MTOR: variants seen among roughly 807,000 people sequenced by gnomAD.
MTOR encodes mechanistic target of rapamycin kinase, also known as serine/threonine-protein kinase mTOR.
MTOR carries 70 observed loss-of-function variants against 319.8 expected under a neutral mutation model. The ratio of observed to expected loss-of-function variants is 0.22; its 90% CI spans 0.18 to 0.27. The LOEUF is 0.27. MTOR is among the 10% of genes least tolerant of loss of function. The pLI is 1.00. For synonymous variants in MTOR, 1,183 were observed against 1,211.4 expected, an observed-to-expected ratio of 0.98 and a Z score of 0.49; for missense variants, 1,890 against 3,274.4, an observed-to-expected ratio of 0.58 and a Z score of 10.32.
At chr1:11,206,680 C>T (rs1304922940) in intron 25 of MTOR, among the ~76,000 whole-genome samples, 3 of 152,186 alleles carry the variant, frequency 2.0e-5, no homozygotes, top group African/African-American at 4.8e-5. Flanking sequence ...GCCCTTTCCC[C>T]CTGCTCTGTA....
At chr1:11,179,555 A>T (rs1557810062) in intron 28 of MTOR, among the ~76,000 whole-genome samples, 1 of 152,020 alleles carries the variant, frequency 6.6e-6, no homozygotes, top group African/African-American at 2.4e-5. Flanking sequence ...AAACCCCAGA[A>T]CTCTCCTCTT....
intron 26 of MTOR, among the ~76,000 whole-genome samples, chr1:11,201,159 T>C (rs140851596): frequency 1.3e-3 from 191 of 152,226 alleles, no homozygotes; most frequent in South Asian, 2.5e-3. Context: ...AAGACCTTCA[T>C]CTCTAAAATC....
intron 32 of MTOR, chr1:11,145,352 C>T (rs1469483826): frequency 2.7e-6 from 1 of 369,802 alleles, no homozygotes; most frequent in Non-Finnish European, 5.0e-6. Flanking sequence ...GTTCTTGCAT[C>T]TCAAGAGGAC....
intron 34 of MTOR, among the ~76,000 whole-genome samples, chr1:11,141,032 A>T (rs894840121): frequency 6.8e-6 from 1 of 148,086 alleles, no homozygotes; most frequent in Non-Finnish European, 1.5e-5. Context: ...TTGGCATCTT[A>T]GATTCTTTCT....
rs754014171 is a variant in MTOR at position 11,130,561 on chromosome 1, T to A, written c.5581A>T (p.Thr1861Ser). Residue 1861 changes from threonine to serine, a missense_variant, in exon 39 of 58, where the codon ACC becomes TCC. Physicochemically the swap from Thr to Ser is moderately conservative, Grantham distance 58. Transcript: ENST00000361445. Reference sequence around the variant, plus strand: ...ACCTTCTTCTGCAGCGGCGATGGGGTGGGGCTGTTCTCGGTGCTCTCGGCC... The same window carrying A: ...ACCTTCTTCTGCAGCGGCGATGGGGAGGGGCTGTTCTCGGTGCTCTCGGCC... ...SEAESTENSPTPSPLQKKVTE... is the reference protein window; with the variant it reads ...SEAESTENSPSPSPLQKKVTE... The A allele has an allele frequency of 3.1e-6, 5 of 1,613,254 alleles. No homozygotes were observed. In the African/African-American group the frequency reaches 6.7e-5, roughly 22 times the overall value.
At position 11,130,678 on chromosome 1, in the gene MTOR, C is replaced by T. The variant is rs1338775745; in HGVS notation, c.5464G>A (p.Gly1822Arg). Residue 1822 changes from glycine (G) to arginine (R), a missense_variant, in exon 39 of 58, where the codon GGG becomes AGG. Coordinates refer to ENST00000361445, the MANE Select transcript of MTOR (RefSeq NM_004958.4). ...GTGGTGGCGTTGGTGATGTTGGCCC[C>T]GCTGGCATGACGCAGTTTCTTCTTC... ...DEKKKLRHAS[G>R]ANITNATTAA... is the part of the protein sequence containing the mutation. 7 of 1,611,066 alleles carry T rather than the reference C, an allele frequency of 4.3e-6. No homozygotes were observed. Among genetic ancestry groups the T allele is most frequent in the South Asian group, 2.2e-5 (2 of 90,362 alleles).
intron 28 of MTOR, among the ~76,000 whole-genome samples, chr1:11,181,776 T>G (rs994626625): frequency 2.0e-5 from 3 of 152,244 alleles, no homozygotes; most frequent in Admixed American, 2.0e-4. Flanking sequence ...TTGAAATTCA[T>G]TATTTCATTT....
chr1:11,212,898 G>A lies in MTOR; in HGVS notation c.3296C>T (p.Ala1099Val). The A allele has an allele frequency of 6.2e-7, 1 of 1,613,928 alleles. No individual in the cohort carries two copies. The highest frequency in any genetic ancestry group is 8.5e-7 in the Non-Finnish European group (1 of 1,179,866). The change falls in exon 22 of 58, where the codon GCA (alanine) becomes GTA (valine). Residue 1099 changes from alanine (A) to valine (V), a missense_variant. Transcript: ENST00000361445. The surrounding 1 kb of genome is among the most constrained non-coding windows in gnomAD (Gnocchi z 4.1). ...CAGGTTGGCGCCAAACAGCTGGATTGCAGCCAGTAACTGCAAAAGGGAGCA... is the reference window on the plus strand; with the variant it reads ...CAGGTTGGCGCCAAACAGCTGGATTACAGCCAGTAACTGCAAAAGGGAGCA... Reference protein sequence around the residue: ...GRIVSIKLLAAIQLFGANLDD... With the variant: ...GRIVSIKLLAVIQLFGANLDD...
chr1:11,163,335 T>C (rs935497119), intron 29 of MTOR, among the ~76,000 whole-genome samples: 7 of 152,136 alleles, frequency 4.6e-5, no homozygotes, highest in Non-Finnish European at 1.0e-4. Flanking sequence ...ACAGTAATAA[T>C]GGGAGACTTT....
At chr1:11,237,334 T>C (rs1378183805) in intron 13 of MTOR, among the ~76,000 whole-genome samples, 1 of 152,176 alleles carries the variant, frequency 6.6e-6, no homozygotes. Context: ...CAGCTGAGCT[T>C]GGCATTCTCA....
intron 34 of MTOR, chr1:11,143,826 G>C (rs923003402): frequency 2.6e-5 from 4 of 152,148 alleles, no homozygotes; most frequent in African/African-American, 9.7e-5. Context: ...GGAGACAAAT[G>C]GTTTCTGGAG....
chr1:11,229,533 C>G (rs1279507559), intron 18 of MTOR, among the ~76,000 whole-genome samples: 1 of 152,182 alleles, frequency 6.6e-6, no homozygotes, highest in African/African-American at 2.4e-5. Context: ...ATGGCTCAGG[C>G]CCTGCTCTCA....
intron 31 of MTOR, 46 bp downstream of exon 31, chr1:11,150,080 C>T: frequency 6.4e-7 from 1 of 1,559,450 alleles, no homozygotes; most frequent in South Asian, 1.1e-5. Flanking sequence ...AGCCCCTAGC[C>T]TCACTCACCC....
intron 29 of MTOR, 92 bp downstream of exon 29, chr1:11,167,350 A>C (rs901492175): frequency 1.9e-5 from 19 of 983,650 alleles, no homozygotes; most frequent in Non-Finnish European, 2.9e-5. Flanking sequence ...GAGAAAAAAC[A>C]GAAAAGGAAA....
intron 26 of MTOR, among the ~76,000 whole-genome samples, chr1:11,201,551 G>A (rs976531073): frequency 6.6e-6 from 1 of 151,988 alleles, no homozygotes; most frequent in Non-Finnish European, 1.5e-5. Context: ...CCAATGCGAA[G>A]GGCTGCTTAT....
Position 11,212,805 on chromosome 1 carries a change from G to C in MTOR, c.3389C>G (p.Pro1130Arg), listed in dbSNP as rs371126703. ...KLFDAPEAPL[P>R]SRKAALETVD... is the part of the protein sequence containing the mutation. ...AAGAGGAGGTGCTCACTTTCGAGATGGCAGTGGAGCTTCAGGGGCATCAAA... is the reference window on the plus strand; with the variant it reads ...AAGAGGAGGTGCTCACTTTCGAGATCGCAGTGGAGCTTCAGGGGCATCAAA... The change falls in exon 22 of 58, where the codon CCA becomes CGA. Residue 1130 changes from proline to arginine, a missense_variant. Coordinates refer to ENST00000361445, the MANE Select transcript of MTOR (RefSeq NM_004958.4). The surrounding 1 kb of genome is among the most constrained non-coding windows in gnomAD (Gnocchi z 4.1). The C allele has an allele frequency of 6.2e-7, 1 of 1,612,834 alleles. No homozygotes were observed. Among genetic ancestry groups the C allele is most frequent in the Non-Finnish European group, 8.5e-7 (1 of 1,178,842 alleles).
intron 19 of MTOR, among the ~76,000 whole-genome samples, chr1:11,223,134 G>A (rs186652550): frequency 1.3e-5 from 2 of 150,688 alleles, no homozygotes; most frequent in Admixed American, 1.3e-4. Context: ...ATGAGAAACA[G>A]GACAAATGAC....
intron 9 of MTOR, 101 bp from the exon 10 acceptor site, chr1:11,241,782 G>A: frequency 7.3e-7 from 1 of 1,378,694 alleles, no homozygotes; most frequent in African/African-American, 1.4e-5. Context: ...ACTCAGGCAG[G>A]GCTACCACAG....
intron 34 of MTOR, among the ~76,000 whole-genome samples, chr1:11,143,722 T>C (rs377637226): frequency 3.0e-4 from 45 of 152,308 alleles, no homozygotes; most frequent in African/African-American, 1.0e-3. Flanking sequence ...CAAACTTCGA[T>C]TGGTCTGAAG....
Sources: gnomAD v4.1 joint callset for allele counts (sites outside exome capture counted in the v4.1 genomes callset) on GRCh38, gnomAD v4.1.1 for gene constraint, Gnocchi (gnomAD v3.1) non-coding constraint, MANE v1.5 for transcripts, NCBI Gene and HGNC (gene_info 2026-07-23, HGNC 2026-07-21) for gene names.